Variants in ARFGEF3 observed in about 807,000 individuals in gnomAD.
ARFGEF3 encodes brefeldin A-inhibited guanine nucleotide-exchange protein 3.
A neutral mutation model predicts 221.7 loss-of-function variants in ARFGEF3; 96 were observed. That is an observed-to-expected ratio of 0.43 (90% CI 0.37 to 0.51). ARFGEF3 has a LOEUF of 0.51. ARFGEF3 is among the 20% of genes least tolerant of loss of function. The pLI is 0.00. For synonymous variants in ARFGEF3, 1,145 were observed against 1,126.8 expected, an observed-to-expected ratio of 1.02 and a Z score of -0.32; for missense variants, 2,410 against 2,789.9, an observed-to-expected ratio of 0.86 and a Z score of 3.07.
chr6:138,172,504 C>T (rs1226812864), intron 2 of ARFGEF3, among the ~76,000 whole-genome samples: 3 of 152,124 alleles, frequency 2.0e-5, no homozygotes, highest in Non-Finnish European at 4.4e-5. Context: ...ATACTAGTGT[C>T]CATACTGGTA....
At position 138,212,958 on chromosome 6, in the gene ARFGEF3, C is replaced by T. The variant is rs1377892386; in HGVS notation, c.351+2917C>T. On this transcript the variant is annotated intron_variant, in intron 4 of 33. Transcript: ENST00000251691. ...GCAAACCAACATGGCACATGTATACCTATGTAAGAAACCTTCAATTGTGTA... is the reference window on the plus strand; with the variant it reads ...GCAAACCAACATGGCACATGTATACTTATGTAAGAAACCTTCAATTGTGTA... 3.3e-5 allele frequency among the ~76,000 whole-genome samples: 5 copies of T among 152,054 alleles called. No individual in the cohort carries two copies. In the East Asian group the frequency reaches 9.7e-4, roughly 29 times the overall value.
chr6:138,258,409 G>T (rs775817998), intron 10 of ARFGEF3, among the ~76,000 whole-genome samples: 1 of 152,162 alleles, frequency 6.6e-6, no homozygotes, highest in Non-Finnish European at 1.5e-5. Flanking sequence ...TGAGGCTCTG[G>T]GGGGAGAAGT....
rs765313322 is a variant in ARFGEF3 at position 138,291,063 on chromosome 6, G to A, written c.3048-670G>A. Among the ~76,000 whole-genome samples the A allele has an allele frequency of 2.0e-5, 3 of 152,160 alleles. No homozygotes were observed. Among genetic ancestry groups the A allele is most frequent in the Admixed American group, 1.3e-4 (2 of 15,280 alleles). ...CTTTACCAGTAAACAGACTTACTCC[G>A]AGATGAGGGACCTTGCGAACCATCT... On this transcript the variant is annotated intron_variant, in intron 18 of 33. Coordinates refer to ENST00000251691, the MANE Select transcript of ARFGEF3 (RefSeq NM_020340.5). This position sits in a 1 kb window ranked among gnomAD's most constrained non-coding sequence, Gnocchi z 4.5.
chr6:138,229,743 T>TTAA, intron 4 of ARFGEF3, 41 bp from the exon 5 acceptor site: 1 of 1,491,290 alleles, frequency 6.7e-7, no homozygotes, highest in Non-Finnish European at 9.4e-7. Context: ...TTCCATACTG[T>TTAA]TAACCCCTTG....
At position 138,291,639 on chromosome 6, in the gene ARFGEF3, C is replaced by A; in HGVS notation, c.3048-94C>A. 2.3e-6 allele frequency: 2 copies of A among 859,612 alleles called. No homozygotes were observed. The highest frequency in any genetic ancestry group is 3.2e-6 in the Non-Finnish European group (2 of 626,740). 53.2% of individuals were successfully genotyped at this position (859,612 alleles called of 1,614,324 possible). A position where few individuals can be genotyped will look rare whatever the true frequency, so the allele number is the denominator to read the frequency against. ...GAGGAAAGCTGGGGAGCTTGCAGAG[C>A]TGGCTGCATTTCCTTTGTCTGGCAC... On this transcript the variant is annotated intron_variant, in intron 18 of 33. Coordinates refer to ENST00000251691, the MANE Select transcript of ARFGEF3 (RefSeq NM_020340.5). This position sits in a 1 kb window ranked among gnomAD's most constrained non-coding sequence, Gnocchi z 4.5.
chr6:138,226,210 T>C (rs1410247705), intron 4 of ARFGEF3, among the ~76,000 whole-genome samples: 1 of 152,214 alleles, frequency 6.6e-6, no homozygotes, highest in Non-Finnish European at 1.5e-5. Flanking sequence ...GATTCTGTGC[T>C]CATCATCATT....
intron 5 of ARFGEF3, among the ~76,000 whole-genome samples, chr6:138,232,828 T>G (rs1232707001): frequency 6.6e-6 from 1 of 152,168 alleles, no homozygotes; most frequent in African/African-American, 2.4e-5. Flanking sequence ...AGATAAAGAA[T>G]ACAAGCAAAG....
At chr6:138,290,352 T>C (rs917483081) in intron 18 of ARFGEF3, among the ~76,000 whole-genome samples, 3 of 152,232 alleles carry the variant, frequency 2.0e-5, no homozygotes, top group Non-Finnish European at 4.4e-5. Context: ...ATGTCCTCTT[T>C]ACTTAAAGAA....
chr6:138,163,156 T>A (rs140289353), intron 1 of ARFGEF3, among the ~76,000 whole-genome samples: 1 of 152,224 alleles, frequency 6.6e-6, no homozygotes, highest in Non-Finnish European at 1.5e-5. Flanking sequence ...TTCCACTAAA[T>A]GTAAAATTTT....
chr6:138,323,629 C>T (rs762688183), intron 29 of ARFGEF3, 42 bp from the exon 30 acceptor site: 2 of 1,572,984 alleles, frequency 1.3e-6, no homozygotes, highest in South Asian at 2.2e-5. Context: ...CAAACAACAA[C>T]AACAACAAAA....
At chr6:138,260,140 G>C (rs973175964) in intron 10 of ARFGEF3, among the ~76,000 whole-genome samples, 1 of 152,194 alleles carries the variant, frequency 6.6e-6, no homozygotes, top group African/African-American at 2.4e-5. Context: ...GAGGGAAAGA[G>C]AGAGCCTGCC....
At chr6:138,280,872 T>C (rs985908625) in intron 14 of ARFGEF3, among the ~76,000 whole-genome samples, 1 of 151,964 alleles carries the variant, frequency 6.6e-6, no homozygotes, top group African/African-American at 2.4e-5. Context: ...GTTGGTTTCC[T>C]TCCGTTTATC....
chr6:138,333,304 T>G (rs914301014), intron 32 of ARFGEF3, among the ~76,000 whole-genome samples: 1 of 152,174 alleles, frequency 6.6e-6, no homozygotes, highest in Admixed American at 6.5e-5. Flanking sequence ...CCAAAATATA[T>G]TCTGTGTCCC....
intron 5 of ARFGEF3, among the ~76,000 whole-genome samples, chr6:138,232,216 A>G (rs1778205534): frequency 2.0e-5 from 3 of 152,216 alleles, no homozygotes; most frequent in Admixed American, 6.5e-5. Context: ...GAGTAAAAGA[A>G]AAAGGTGGGG....
At chr6:138,260,984 A>G (rs1339651741) in intron 10 of ARFGEF3, among the ~76,000 whole-genome samples, 5 of 152,182 alleles carry the variant, frequency 3.3e-5, no homozygotes, top group South Asian at 2.1e-4. Flanking sequence ...GAATAGTCCT[A>G]TAATCTTTAG....
At chr6:138,276,548 T>G (rs1355231613) in intron 12 of ARFGEF3, among the ~76,000 whole-genome samples, 5 of 149,428 alleles carry the variant, frequency 3.3e-5, no homozygotes, top group African/African-American at 9.8e-5. Flanking sequence ...TATTTAATGG[T>G]TTTTTTTTTG....
intron 5 of ARFGEF3, among the ~76,000 whole-genome samples, chr6:138,230,601 A>G (rs978844117): frequency 6.6e-6 from 1 of 152,264 alleles, no homozygotes; most frequent in Non-Finnish European, 1.5e-5. Flanking sequence ...ATCAGCACTC[A>G]TGGAGAGTAC....
At chr6:138,280,436 G>A (rs1455021301) in intron 14 of ARFGEF3, among the ~76,000 whole-genome samples, 2 of 152,188 alleles carry the variant, frequency 1.3e-5, no homozygotes. Context: ...TAAAACCGTA[G>A]GCCATATCTA....
intron 5 of ARFGEF3, among the ~76,000 whole-genome samples, chr6:138,234,397 G>A (rs1418664582): frequency 1.3e-5 from 2 of 152,146 alleles, no homozygotes; most frequent in Non-Finnish European, 2.9e-5. Flanking sequence ...AGGAAAACTA[G>A]CAAACTTCCC....
Sources: allele counts gnomAD v4.1 joint callset (sites outside exome capture counted in the v4.1 genomes callset), GRCh38; gene constraint gnomAD v4.1.1; non-coding constraint Gnocchi (gnomAD v3.1); transcripts MANE v1.5; gene names NCBI Gene and HGNC (gene_info 2026-07-23, HGNC 2026-07-21).